TENM2: variants seen among roughly 807,000 people sequenced by gnomAD.
The protein encoded by TENM2 is teneurin-2.
A neutral mutation model predicts 245.2 loss-of-function variants in TENM2; 52 were observed. The ratio of observed to expected loss-of-function variants is 0.21; its 90% confidence interval spans 0.17 to 0.27. The LOEUF is 0.27. TENM2 is among the 10% of genes least tolerant of loss of function. The pLI, the probability that TENM2 is intolerant of heterozygous loss-of-function variation, is 1.00. For missense variants in TENM2, 3,046 were observed against 3,666.8 expected (o/e 0.83, Z 4.37); for synonymous variants, 1,363 against 1,438.9 (o/e 0.95, Z 1.19).
chr5:168,170,432 A>T (rs1758701292), intron 13 of TENM2, among the ~76,000 whole-genome samples: 1 of 152,054 alleles, frequency 6.6e-6, no homozygotes, highest in African/African-American at 2.4e-5. Context: ...TGAACCCAGG[A>T]GGCGGAGGCT....
intron 3 of TENM2, among the ~76,000 whole-genome samples, chr5:167,939,781 T>C (rs757197287): frequency 5.3e-5 from 8 of 152,176 alleles, no homozygotes; most frequent in Non-Finnish European, 1.2e-4. Context: ...CCACATCGAG[T>C]TCCTTTCTGT....
intron 2 of TENM2, among the ~76,000 whole-genome samples, chr5:167,818,902 C>T (rs534748663): frequency 1.3e-5 from 2 of 152,236 alleles, no homozygotes; most frequent in Admixed American, 1.3e-4. Flanking sequence ...TGGCCAGGGC[C>T]TCCTTAAAGG....
intron 12 of TENM2, among the ~76,000 whole-genome samples, chr5:168,162,145 A>G (rs1156996280): frequency 6.6e-6 from 1 of 152,192 alleles, no homozygotes; most frequent in African/African-American, 2.4e-5. Flanking sequence ...ATGTAAATAT[A>G]TCTTTAAAAC....
intron 4 of TENM2, among the ~76,000 whole-genome samples, chr5:167,967,396 A>G (rs1419863494): frequency 1.3e-5 from 2 of 152,184 alleles, no homozygotes; most frequent in Non-Finnish European, 2.9e-5. Context: ...CACGTGTGCA[A>G]ATTACAAGGT....
chr5:167,527,715 T>C lies in TENM2; in HGVS notation c.502+152242T>C, dbSNP rs1219562597. Among the ~76,000 whole-genome samples, 6 of 152,112 alleles carry C rather than the reference T, an allele frequency of 3.9e-5. No individual in the cohort carries two copies. In the East Asian group the frequency reaches 1.2e-3, roughly 29 times the overall value. On this transcript the variant is annotated intron_variant, in intron 2 of 28. Transcript: ENST00000518659. ...TATGACTTATAAATCCAGAATTCTG[T>C]GAGGGTAGAGACCATGAATCCTTGT...
At chr5:167,099,494 G>A in the TENM2 span, among the ~76,000 whole-genome samples, 1 of 152,060 alleles carries the variant, frequency 6.6e-6, no homozygotes, top group Non-Finnish European at 1.5e-5. Context: ...TTGGGAGTTC[G>A]AGACCAGCCT....
At chr5:167,591,378 T>C (rs1775865309) in intron 2 of TENM2, among the ~76,000 whole-genome samples, 1 of 152,228 alleles carries the variant, frequency 6.6e-6, no homozygotes, top group South Asian at 2.1e-4. Flanking sequence ...TGATGGTTTG[T>C]ATTTTATTGA....
chr5:167,634,903 A>G (rs889781732), intron 2 of TENM2, among the ~76,000 whole-genome samples: 2 of 152,216 alleles, frequency 1.3e-5, no homozygotes, highest in Non-Finnish European at 2.9e-5. Flanking sequence ...ATAAGTATTC[A>G]TGAACATAAC....
the TENM2 span, among the ~76,000 whole-genome samples, chr5:167,188,523 AG>A: frequency 4.6e-5 from 7 of 152,178 alleles, no homozygotes; most frequent in Non-Finnish European, 7.4e-5. Context: ...TCAGTATAAA[AG>A]GGAAAGAGAC....
chr5:167,519,974 C>A (rs1007313315), intron 2 of TENM2, among the ~76,000 whole-genome samples: 1 of 151,946 alleles, frequency 6.6e-6, no homozygotes, highest in Non-Finnish European at 1.5e-5. Flanking sequence ...TTGAAAATAC[C>A]GAAAACATTC....
intron 25 of TENM2, among the ~76,000 whole-genome samples, chr5:168,236,891 C>T (rs1765465684): frequency 8.4e-6 from 1 of 119,088 alleles, no homozygotes; most frequent in South Asian, 3.1e-4. Flanking sequence ...TCTAATAGGT[C>T]TTTGGAATGA....
At chr5:167,615,813 G>A (rs2127759444) in intron 2 of TENM2, among the ~76,000 whole-genome samples, 1 of 152,162 alleles carries the variant, frequency 6.6e-6, no homozygotes, top group Non-Finnish European at 1.5e-5. Context: ...GCTGGTGGTG[G>A]AAATAGAGAC....
At chr5:167,923,702 G>A (rs936412929) in intron 3 of TENM2, among the ~76,000 whole-genome samples, 2 of 151,982 alleles carry the variant, frequency 1.3e-5, no homozygotes, top group African/African-American at 2.4e-5. Flanking sequence ...TTACAAATAA[G>A]CAAATCAGGG....
At chr5:167,587,773 A>C (rs1328119086) in intron 2 of TENM2, among the ~76,000 whole-genome samples, 1 of 152,234 alleles carries the variant, frequency 6.6e-6, no homozygotes, top group East Asian at 1.9e-4. Context: ...ACATCAGATT[A>C]CTTCTCAGTA....
intron 2 of TENM2, among the ~76,000 whole-genome samples, chr5:167,797,634 CAAAA>C (rs1056395490): frequency 6.6e-6 from 1 of 151,900 alleles, no homozygotes; most frequent in Non-Finnish European, 1.5e-5. Context: ...TTTCTGAGGA[CAAAA>C]AAATATGTTC....
chr5:167,935,895 T>C (rs1053523794), intron 3 of TENM2, among the ~76,000 whole-genome samples: 8 of 152,200 alleles, frequency 5.3e-5, no homozygotes, highest in Non-Finnish European at 1.2e-4. Flanking sequence ...GGTATGATTT[T>C]TTTTTTCGAT....
At chr5:168,130,187 A>G (rs1754446096) in intron 12 of TENM2, 1 of 152,248 alleles carries the variant, frequency 6.6e-6, no homozygotes, top group African/African-American at 2.4e-5. Flanking sequence ...TGTTTGGTTA[A>G]TGCCTTTCTG....
chr5:167,883,548 G>A (rs1055010653), intron 3 of TENM2, among the ~76,000 whole-genome samples: 2 of 152,182 alleles, frequency 1.3e-5, no homozygotes, highest in African/African-American at 2.4e-5. Flanking sequence ...AGTGACAGAC[G>A]GCAGAGAACT....
intron 12 of TENM2, among the ~76,000 whole-genome samples, chr5:168,158,829 G>A (rs201269359): frequency 0.42 from 26,638 of 62,950 alleles, 6,756 homozygotes; most frequent in East Asian, 0.62. Context: ...GTGTGTGTGT[G>A]TATATATATA....
Sources: allele counts gnomAD v4.1 joint callset (sites outside exome capture counted in the v4.1 genomes callset), GRCh38; gene constraint gnomAD v4.1.1; transcripts MANE v1.5; gene names NCBI Gene and HGNC (gene_info 2026-07-23, HGNC 2026-07-21).